The following LRRTM4 variants were observed in gnomAD, a reference collection of about 807,000 sequenced individuals.
The protein encoded by LRRTM4 is leucine-rich repeat transmembrane neuronal protein 4.
In LRRTM4, 25 loss-of-function variants were observed where a neutral mutation model predicts 47.6. That is an observed-to-expected ratio of 0.53 (90% CI 0.38 to 0.73). The LOEUF (loss-of-function observed/expected upper bound fraction) is 0.73, where lower values mean the gene tolerates loss of function less well. Among genes scored for constraint, LRRTM4 ranks in the 30% least tolerant of loss-of-function variants. The probability of loss-of-function intolerance (pLI) is 0.00; values close to 1 mark genes in which losing one functional copy is unlikely to be tolerated. For missense variants in LRRTM4, 638 were observed against 713.4 expected, an observed-to-expected ratio of 0.89 and a Z score of 1.20; for synonymous variants, 311 against 269.5, an observed-to-expected ratio of 1.15 and a Z score of -1.51.
intron 3 of LRRTM4, among the ~76,000 whole-genome samples, chr2:76,905,748 G>A (rs1166826885): frequency 1.3e-5 from 2 of 151,538 alleles, no homozygotes; most frequent in African/African-American, 2.4e-5. Flanking sequence ...GGGTATCAGT[G>A]ATGGAAGATG....
At chr2:76,772,635 C>G (rs144396614) in intron 3 of LRRTM4, among the ~76,000 whole-genome samples, 486 of 152,242 alleles carry the variant, frequency 3.2e-3, no homozygotes, top group Admixed American at 5.6e-3. Flanking sequence ...AGAAAACTTA[C>G]AATTTGAATT....
At chr2:77,261,546 A>T (rs1045721099) in intron 3 of LRRTM4, among the ~76,000 whole-genome samples, 4 of 152,234 alleles carry the variant, frequency 2.6e-5, no homozygotes. Flanking sequence ...AAATAAATAA[A>T]GCTGGATTGC....
intron 3 of LRRTM4, among the ~76,000 whole-genome samples, chr2:76,982,067 C>T (rs1395723178): frequency 1.3e-5 from 2 of 151,978 alleles, no homozygotes; most frequent in East Asian, 3.9e-4. Flanking sequence ...TTTCTATTTT[C>T]TCATATTAAG....
intron 3 of LRRTM4, among the ~76,000 whole-genome samples, chr2:76,852,989 A>G (rs10189408): frequency 0.38 from 58,274 of 151,934 alleles, 12,277 homozygotes; most frequent in East Asian, 0.63. Context: ...GGGTTATTCT[A>G]GGAAAAGGGC....
intron 3 of LRRTM4, among the ~76,000 whole-genome samples, chr2:77,375,522 T>C (rs1672804015): frequency 6.6e-6 from 1 of 151,798 alleles, no homozygotes; most frequent in African/African-American, 2.4e-5. Flanking sequence ...GGCACAATAC[T>C]GTATAGCAGA....
chr2:77,269,347 G>C lies in LRRTM4; in HGVS notation c.1551+248971C>G, dbSNP rs186764665. On this transcript the variant is annotated intron_variant, in intron 3 of 3. Coordinates refer to ENST00000409884, the MANE Select transcript of LRRTM4 (RefSeq NM_001134745.3). The stretch of plus-strand genomic sequence containing the variant: ...ATTGACTCATAAATGTTCAAGAATG[G>C]TGGCACATAAAAAATGTTGAATAAA... Among the ~76,000 whole-genome samples the C allele has an allele frequency of 1.0e-3, 156 of 152,052 alleles. 1 individual carries two copies. The highest frequency in any genetic ancestry group is 1.7e-3 in the Non-Finnish European group (115 of 68,016).
At chr2:77,390,768 ATAAC>A (rs1254445586) in intron 3 of LRRTM4, among the ~76,000 whole-genome samples, 1 of 151,758 alleles carries the variant, frequency 6.6e-6, no homozygotes, top group Non-Finnish European at 1.5e-5. Context: ...TACAAGAAAA[ATAAC>A]TTATTTTCAT....
chr2:76,929,541 G>A (rs557074076), intron 3 of LRRTM4, among the ~76,000 whole-genome samples: 1 of 152,056 alleles, frequency 6.6e-6, no homozygotes, highest in African/African-American at 2.4e-5. Flanking sequence ...TTTTAACTTC[G>A]GTTTTCTTCT....
intron 3 of LRRTM4, among the ~76,000 whole-genome samples, chr2:76,916,251 G>A (rs1426736351): frequency 6.6e-6 from 1 of 151,674 alleles, no homozygotes; most frequent in Non-Finnish European, 1.5e-5. Context: ...CGGGCGTGTT[G>A]GCGGGCGCCT....
intron 3 of LRRTM4, among the ~76,000 whole-genome samples, chr2:77,027,168 C>T (rs1678483719): frequency 6.6e-6 from 1 of 152,096 alleles, no homozygotes; most frequent in South Asian, 2.1e-4. Flanking sequence ...AGACATAAAT[C>T]TCCTTTTCTG....
intron 3 of LRRTM4, among the ~76,000 whole-genome samples, chr2:77,104,592 T>G (rs1384985549): frequency 2.0e-5 from 3 of 152,124 alleles, no homozygotes; most frequent in African/African-American, 7.2e-5. Context: ...GAAAAAATAC[T>G]AAGTGCTAAA....
intron 3 of LRRTM4, among the ~76,000 whole-genome samples, chr2:77,499,695 G>A (rs746908284): frequency 6.6e-6 from 1 of 151,834 alleles, no homozygotes; most frequent in Non-Finnish European, 1.5e-5. Flanking sequence ...CCAGCATAGT[G>A]CTAAAATTTT....
intron 3 of LRRTM4, among the ~76,000 whole-genome samples, chr2:77,142,930 T>C (rs1167703970): frequency 6.6e-6 from 1 of 152,192 alleles, no homozygotes; most frequent in Non-Finnish European, 1.5e-5. Context: ...TGTATGAATC[T>C]AAGTTTTTAG....
chr2:77,054,125 G>T (rs1245519501), intron 3 of LRRTM4, among the ~76,000 whole-genome samples: 1 of 150,820 alleles, frequency 6.6e-6, no homozygotes, highest in African/African-American at 2.5e-5. Context: ...GGAAACCACA[G>T]TAGCAATCTC....
intron 3 of LRRTM4, among the ~76,000 whole-genome samples, chr2:77,367,038 T>C (rs1672485847): frequency 6.6e-6 from 1 of 151,906 alleles, no homozygotes; most frequent in African/African-American, 2.4e-5. Flanking sequence ...ATAATTCCCT[T>C]TCCATTTAAT....
intron 3 of LRRTM4, among the ~76,000 whole-genome samples, chr2:77,423,830 C>G (rs137895814): frequency 1.3e-5 from 2 of 152,030 alleles, no homozygotes; most frequent in Admixed American, 1.3e-4. Context: ...AAATGGACCC[C>G]GAGTGAGCCA....
In LRRTM4 at chr2:76,933,899, C is replaced by T. The variant is rs77332440; in HGVS notation, c.1552-184983G>A. 8.5e-3 allele frequency among the ~76,000 whole-genome samples: 1,298 copies of T among 152,254 alleles called. 26 individuals are homozygous for T. The highest frequency in any genetic ancestry group is 0.029 in the African/African-American group (1,192 of 41,556). Reference sequence around the variant, plus strand: ...TAACCCTTTACCCCAAATTTACATGCTTTCCTTCCCCATTTTACTTCAATA... The same window carrying T: ...TAACCCTTTACCCCAAATTTACATGTTTTCCTTCCCCATTTTACTTCAATA... On this transcript the variant is annotated intron_variant, in intron 3 of 3. Coordinates refer to ENST00000409884, the MANE Select transcript of LRRTM4 (RefSeq NM_001134745.3).
intron 3 of LRRTM4, among the ~76,000 whole-genome samples, chr2:76,949,948 A>G (rs1022357943): frequency 3.3e-5 from 5 of 151,962 alleles, no homozygotes; most frequent in African/African-American, 9.7e-5. Context: ...AAATGCAGGA[A>G]AAGTAGAGAT....
chr2:76,892,744 C>A (rs1264200791), intron 3 of LRRTM4, among the ~76,000 whole-genome samples: 1 of 151,542 alleles, frequency 6.6e-6, no homozygotes, highest in African/African-American at 2.4e-5. Context: ...AAAGTCACTG[C>A]AATTTTAATA....
Sources: allele counts gnomAD v4.1 joint callset (sites outside exome capture counted in the v4.1 genomes callset), GRCh38; gene constraint gnomAD v4.1.1; transcripts MANE v1.5; gene names NCBI Gene and HGNC (gene_info 2026-07-23, HGNC 2026-07-21).